Variants in DRC8 observed in about 807,000 individuals in gnomAD.
DRC8 encodes the protein dynein regulatory complex protein 8.
the DRC8 span, among the ~76,000 whole-genome samples, chr1:245,119,877 G>T: frequency 6.6e-6 from 1 of 151,926 alleles, no homozygotes; most frequent in African/African-American, 2.4e-5. Flanking sequence ...AGCTTGCAGT[G>T]AGCCTAGATC....
chr1:245,104,381 G>A, the DRC8 span, among the ~76,000 whole-genome samples: 2 of 152,054 alleles, frequency 1.3e-5, no homozygotes, highest in African/African-American at 2.4e-5. Context: ...GCGCATGCCT[G>A]TAATCCCAGC....
At chr1:245,058,740 G>T in the DRC8 span, among the ~76,000 whole-genome samples, 1 of 152,192 alleles carries the variant, frequency 6.6e-6, no homozygotes, top group Non-Finnish European at 1.5e-5. Context: ...ACGTTATGAT[G>T]GGGGCAGGGA....
At chr1:245,109,736 T>G in the DRC8 span, among the ~76,000 whole-genome samples, 4 of 152,320 alleles carry the variant, frequency 2.6e-5, no homozygotes, top group South Asian at 8.3e-4. Flanking sequence ...TCTCAATGCC[T>G]CTGGCACAAA....
chr1:245,109,127 A>G, the DRC8 span, among the ~76,000 whole-genome samples: 2 of 152,220 alleles, frequency 1.3e-5, no homozygotes, highest in Admixed American at 1.3e-4. Context: ...GGAGTCTCGT[A>G]GAATACATGC....
chr1:245,008,662 TTC>T, the DRC8 span, among the ~76,000 whole-genome samples: 29,311 of 142,774 alleles, frequency 0.21, 3,003 homozygotes, highest in South Asian at 0.26. Context: ...TCTTAACATG[TTC>T]TCACACTTTT....
At chr1:245,032,838 G>A in the DRC8 span, among the ~76,000 whole-genome samples, 7 of 152,068 alleles carry the variant, frequency 4.6e-5, no homozygotes, top group Non-Finnish European at 1.0e-4. Context: ...GCTGAGAAGG[G>A]ATAAGATGAG....
At chr1:244,979,292 C>CTTTTTT in the DRC8 span, among the ~76,000 whole-genome samples, 50 of 51,382 alleles carry the variant, frequency 9.7e-4, 6 homozygotes, top group African/African-American at 4.0e-3. Context: ...CGAAGCTTAT[C>CTTTTTT]TTTTTTTTTT....
chr1:245,031,439 A>G, the DRC8 span, among the ~76,000 whole-genome samples: 3 of 151,984 alleles, frequency 2.0e-5, no homozygotes, highest in Non-Finnish European at 4.4e-5. Flanking sequence ...GAAACCTCCC[A>G]CGTGGGAGGT....
chr1:245,009,078 C>T, the DRC8 span, among the ~76,000 whole-genome samples: 49 of 141,396 alleles, frequency 3.5e-4, no homozygotes, highest in Admixed American at 9.4e-4. Context: ...CTCTGTCACC[C>T]GGGCTGGAGT....
At chr1:244,993,273 T>C in the DRC8 span, among the ~76,000 whole-genome samples, 1 of 152,204 alleles carries the variant, frequency 6.6e-6, no homozygotes, top group South Asian at 2.1e-4. Context: ...GCTACCACAG[T>C]CTGCCTTCTG....
chr1:245,122,056 G>A, the DRC8 span: 12 of 293,556 alleles, frequency 4.1e-5, no homozygotes, highest in Middle Eastern at 1.2e-3. Flanking sequence ...ACACCACCAC[G>A]CCTGGCTAAT....
the DRC8 span, among the ~76,000 whole-genome samples, chr1:245,075,395 G>C: frequency 5.9e-5 from 9 of 152,204 alleles, no homozygotes; most frequent in African/African-American, 2.2e-4. Context: ...GATAAATGTT[G>C]ATATTATTAA....
chr1:244,979,959 C>T, the DRC8 span, among the ~76,000 whole-genome samples: 2 of 146,086 alleles, frequency 1.4e-5, no homozygotes, highest in Non-Finnish European at 3.0e-5. Context: ...AATCCCAGCA[C>T]TTTGGGAGGC....
the DRC8 span, chr1:245,087,561 C>T: frequency 8.5e-7 from 1 of 1,173,890 alleles, no homozygotes; most frequent in Non-Finnish European, 1.1e-6. Context: ...TGATAAATTA[C>T]TATTTATTTA....
chr1:244,995,068 G>C, the DRC8 span, among the ~76,000 whole-genome samples: 1 of 151,928 alleles, frequency 6.6e-6, no homozygotes, highest in African/African-American at 2.4e-5. Flanking sequence ...TTGTTTAAAA[G>C]AGACAGGTTC....
At chr1:245,028,261 A>G in the DRC8 span, among the ~76,000 whole-genome samples, 379 of 152,228 alleles carry the variant, frequency 2.5e-3, 1 homozygote, top group African/African-American at 8.4e-3. Context: ...AATTTACACA[A>G]TCATTTCTCA....
chr1:245,124,587 G>A, the DRC8 span: 1 of 152,160 alleles, frequency 6.6e-6, no homozygotes, highest in Non-Finnish European at 1.5e-5. Flanking sequence ...CATCCCCGTT[G>A]TTCCTATAGA....
At chr1:245,109,979 A>G in the DRC8 span, among the ~76,000 whole-genome samples, 1 of 152,164 alleles carries the variant, frequency 6.6e-6, no homozygotes, top group African/African-American at 2.4e-5. Flanking sequence ...TAGTGTAAGT[A>G]TTTATCATCT....
At chr1:244,970,576 G>C in the DRC8 span, 1 of 1,196,344 alleles carries the variant, frequency 8.4e-7, no homozygotes, top group Non-Finnish European at 1.1e-6. Context: ...GGCCTGAGGA[G>C]GGGGCCACCC....
Sources: allele counts gnomAD v4.1 joint callset (sites outside exome capture counted in the v4.1 genomes callset), GRCh38; gene constraint gnomAD v4.1.1; transcripts MANE v1.5; gene names NCBI Gene and HGNC (gene_info 2026-07-23, HGNC 2026-07-21).